CACNA1B: variants seen among roughly 807,000 people sequenced by gnomAD.
The protein encoded by CACNA1B is voltage-dependent N-type calcium channel subunit alpha-1B.
In CACNA1B, 70 loss-of-function variants were observed where a neutral mutation model predicts 247.2. That is an observed-to-expected ratio of 0.28 (90% CI 0.23 to 0.35). The LOEUF is 0.35. Ranked by LOEUF, CACNA1B falls within the 10% of genes least tolerant of loss-of-function variation. CACNA1B has a pLI of 1.00. For missense variants in CACNA1B, 2,367 were observed against 3,197.4 expected, an observed-to-expected ratio of 0.74 and a Z score of 6.26; for synonymous variants, 1,231 against 1,294.4, an observed-to-expected ratio of 0.95 and a Z score of 1.05.
Position 138,118,057 on chromosome 9 carries a change from C to G in CACNA1B, c.5889C>G (p.Ile1963Met), listed in dbSNP as rs200850141. ...TGGAGCGTGGCCACTCCACAGAGAT[C>G]CCTGTGGGGCGGTCAGGAGCACTGG... ...PPLERGHSTE[I>M]PVGRSGALAV... Residue 1963 changes from isoleucine (I) to methionine (M), a missense_variant, in exon 43 of 47, where the codon ATC (isoleucine) becomes ATG (methionine). Physicochemically the swap from Ile to Met is conservative, Grantham distance 10. Around this residue, in one of 12 missense-constraint regions of CACNA1B, gnomAD observed 773 missense variants for 779.4 expected, o/e 0.99. Coordinates refer to ENST00000371372, the MANE Select transcript of CACNA1B (RefSeq NM_000718.4). 18 of 1,588,382 alleles carry G rather than the reference C, an allele frequency of 1.1e-5. No homozygotes were observed. In the South Asian group the frequency reaches 2.1e-4, roughly 18 times the overall value.
Position 138,059,846 on chromosome 9 carries a change from C to A in CACNA1B, c.4668+109C>A. 1 of 717,120 alleles carries A rather than the reference C, an allele frequency of 1.4e-6. No individual in the cohort carries two copies. Among genetic ancestry groups the A allele is most frequent in the South Asian group, 1.6e-5 (1 of 61,378 alleles). 44.4% of individuals were successfully genotyped at this position (717,120 alleles called of 1,614,324 possible). ...TGTGTTAGCCTCTTCCTGGGTTCCG[C>A]AGAACCCCCTGGACATGTGGAGGCT... On this transcript the variant is annotated intron_variant, in intron 31 of 46. Transcript: ENST00000371372. This position sits in a 1 kb window ranked among gnomAD's most constrained non-coding sequence, Gnocchi z 4.2.
intron 20 of CACNA1B, among the ~76,000 whole-genome samples, chr9:138,038,863 C>T (rs1015251112): frequency 2.6e-5 from 4 of 152,102 alleles, no homozygotes; most frequent in Non-Finnish European, 5.9e-5. Context: ...GTTTTTATTG[C>T]TTTCAGGCTT....
chr9:137,991,107 A>G (rs1276039249), intron 15 of CACNA1B, among the ~76,000 whole-genome samples: 2 of 152,250 alleles, frequency 1.3e-5, no homozygotes, highest in East Asian at 3.8e-4. Context: ...AATTGCCAGA[A>G]AAAGAATTCT....
intron 20 of CACNA1B, among the ~76,000 whole-genome samples, chr9:138,039,888 C>T (rs1456286654): frequency 6.6e-6 from 1 of 151,998 alleles, no homozygotes; most frequent in Non-Finnish European, 1.5e-5. Flanking sequence ...CTCAAATATT[C>T]TTTATATTCA....
intron 3 of CACNA1B, among the ~76,000 whole-genome samples, chr9:137,905,898 G>C (rs938674068): frequency 6.6e-6 from 1 of 152,234 alleles, no homozygotes; most frequent in African/African-American, 2.4e-5. Context: ...CTGTCACCTC[G>C]GACCTGCCCT....
At chr9:138,109,290 CAAA>C (rs1475780264) in intron 39 of CACNA1B, among the ~76,000 whole-genome samples, 3 of 152,196 alleles carry the variant, frequency 2.0e-5, no homozygotes, top group Non-Finnish European at 4.4e-5. Flanking sequence ...CAATCCTATA[CAAA>C]AAGAGACATT....
chr9:138,107,867 C>T (rs1432326155), intron 39 of CACNA1B, among the ~76,000 whole-genome samples: 2 of 151,992 alleles, frequency 1.3e-5, no homozygotes, highest in African/African-American at 4.8e-5. Flanking sequence ...CGCCTGTAGT[C>T]CCAGCTACTC....
chr9:137,937,152 T>C (rs1399260820), intron 6 of CACNA1B, among the ~76,000 whole-genome samples: 1 of 152,160 alleles, frequency 6.6e-6, no homozygotes, highest in East Asian at 1.9e-4. Context: ...CCTCTTTTAT[T>C]TCATTGAGCA....
chr9:137,894,637 T>C (rs1434535144), intron 3 of CACNA1B, among the ~76,000 whole-genome samples: 2 of 152,156 alleles, frequency 1.3e-5, no homozygotes, highest in African/African-American at 2.4e-5. Flanking sequence ...CTCGATCTCC[T>C]GACCTCGTGA....
Position 137,893,623 on chromosome 9 carries a change from C to T in CACNA1B, c.530+10740C>T, listed in dbSNP as rs150900128. ...CTGAGATCGCGCCATTGCACTCCAG[C>T]CTGGGCGACAGAGTGAGACTCTGTC... On this transcript the variant is annotated intron_variant, in intron 3 of 46. Coordinates refer to ENST00000371372, the MANE Select transcript of CACNA1B (RefSeq NM_000718.4). Among the ~76,000 whole-genome samples, 23 of 151,214 alleles carry T rather than the reference C, an allele frequency of 1.5e-4. 1 individual carries two copies. In the East Asian group the frequency reaches 4.5e-3, roughly 29 times the overall value.
chr9:138,013,602 T>A (rs1958753917), intron 18 of CACNA1B, among the ~76,000 whole-genome samples: 1 of 152,190 alleles, frequency 6.6e-6, no homozygotes, highest in Non-Finnish European at 1.5e-5. Flanking sequence ...GAAATTTATT[T>A]TATGAGCCAA....
At chr9:138,087,994 G>A (rs939494840) in intron 36 of CACNA1B, among the ~76,000 whole-genome samples, 4 of 151,964 alleles carry the variant, frequency 2.6e-5, no homozygotes, top group South Asian at 2.1e-4. Flanking sequence ...CCGAAAATTA[G>A]TAGAGGAACA....
intron 10 of CACNA1B, among the ~76,000 whole-genome samples, chr9:137,970,084 A>G (rs1050959349): frequency 1.5e-4 from 23 of 152,190 alleles, no homozygotes; most frequent in Admixed American, 1.3e-4. Flanking sequence ...CATAGCACAC[A>G]TGCCCACACT....
chr9:137,985,894 G>A (rs762699193), intron 13 of CACNA1B, among the ~76,000 whole-genome samples: 22 of 152,352 alleles, frequency 1.4e-4, no homozygotes, highest in African/African-American at 2.2e-4. Flanking sequence ...TCTCCACGCC[G>A]CGTGTCCCTT....
intron 38 of CACNA1B, among the ~76,000 whole-genome samples, chr9:138,103,200 C>G (rs1446773059): frequency 6.6e-6 from 1 of 152,172 alleles, no homozygotes; most frequent in African/African-American, 2.4e-5. Flanking sequence ...AAGCCCTAAG[C>G]CCCTGGTATG....
intron 36 of CACNA1B, among the ~76,000 whole-genome samples, chr9:138,094,503 A>G (rs1960995991): frequency 4.0e-5 from 6 of 151,474 alleles, no homozygotes. Flanking sequence ...TCCCAAATAT[A>G]CAAGAGGAGG....
rs143188932 is a variant in CACNA1B, at chr9:137,913,322, T to C, written c.622+51T>C. The C allele has an allele frequency of 1.2e-3, 1,589 of 1,375,728 alleles. 15 individuals carry two copies. Among genetic ancestry groups the C allele is most frequent in the South Asian group, 7.1e-3 (602 of 84,802 alleles). The allele number at this position is 1,375,728 out of a possible 1,614,324, so 85.2% of individuals were successfully genotyped here. On this transcript the variant is annotated intron_variant, in intron 4 of 46. Transcript: ENST00000371372. This position sits in a 1 kb window ranked among gnomAD's most constrained non-coding sequence, Gnocchi z 5.2. ...GCCGGCTTGGAGTAACAACCTCCTC[T>C]CCTACCCTCACCACGGACATGGCCA...
chr9:138,059,589 A>G lies in CACNA1B; in HGVS notation c.4585-65A>G. 1 of 944,624 alleles carries G rather than the reference A, an allele frequency of 1.1e-6. No homozygotes were observed. The highest frequency in any genetic ancestry group is 1.7e-6 in the Non-Finnish European group (1 of 571,994). 58.5% of individuals were successfully genotyped at this position (944,624 alleles called of 1,614,324 possible). A position where few individuals can be genotyped will look rare whatever the true frequency, so the allele number is the denominator to read the frequency against. ...TTTCTTAATCAGGGCCACCACCTAT[A>G]TATACCTCTTTGCCAACAGAGCCCT... is the stretch of plus-strand genomic sequence containing the variant. On this transcript the variant is annotated intron_variant, in intron 30 of 46. Coordinates refer to ENST00000371372, the MANE Select transcript of CACNA1B (RefSeq NM_000718.4). The surrounding 1 kb of genome is among the most constrained non-coding windows in gnomAD (Gnocchi z 4.2).
At chr9:138,029,675 A>G (rs1958964815) in intron 20 of CACNA1B, among the ~76,000 whole-genome samples, 4 of 139,382 alleles carry the variant, frequency 2.9e-5, no homozygotes, top group South Asian at 2.2e-4. Flanking sequence ...CAGTGGTGCC[A>G]TCTCGGCTCA....
Sources: allele counts gnomAD v4.1 joint callset (sites outside exome capture counted in the v4.1 genomes callset), GRCh38; gene constraint gnomAD v4.1.1; regional missense constraint gnomAD v4.1.1; non-coding constraint Gnocchi (gnomAD v3.1); transcripts MANE v1.5; gene names NCBI Gene and HGNC (gene_info 2026-07-23, HGNC 2026-07-21).